Variants in ADGRB3 observed in about 807,000 individuals in gnomAD.
ADGRB3 encodes the protein adhesion G protein-coupled receptor B3, also known as brain-specific angiogenesis inhibitor 3.
ADGRB3 carries 37 observed loss-of-function variants against 193.4 expected under a neutral mutation model. That is an observed-to-expected ratio of 0.19 (90% CI 0.15 to 0.25). The LOEUF (loss-of-function observed/expected upper bound fraction) is 0.25. ADGRB3 is among the 10% of genes least tolerant of loss of function. The pLI is 1.00. For missense variants in ADGRB3, 1,637 were observed against 1,852.9 expected (o/e 0.88, Z 2.14); for synonymous variants, 690 against 644.2 (o/e 1.07, Z -1.08).
At chr6:69,364,015 A>G (rs952006329) in intron 29 of ADGRB3, among the ~76,000 whole-genome samples, 1 of 152,040 alleles carries the variant, frequency 6.6e-6, no homozygotes, top group African/African-American at 2.4e-5. Context: ...TGTGGATCAC[A>G]TGAGGCCTAA....
chr6:69,232,967 C>T (rs1194422518), intron 17 of ADGRB3: 3 of 429,580 alleles, frequency 7.0e-6, no homozygotes, highest in Non-Finnish European at 1.2e-5. Context: ...TGGCTGCCAA[C>T]GCTCTGGCGG....
At chr6:69,178,733 T>A (rs1034448257) in intron 17 of ADGRB3, among the ~76,000 whole-genome samples, 1 of 152,210 alleles carries the variant, frequency 6.6e-6, no homozygotes, top group Non-Finnish European at 1.5e-5. Context: ...GATATGAAAT[T>A]ATTAGTTGGA....
chr6:69,283,233 A>G (rs762088060), intron 20 of ADGRB3, among the ~76,000 whole-genome samples: 4 of 152,198 alleles, frequency 2.6e-5, no homozygotes, highest in African/African-American at 4.8e-5. Context: ...GTAACAGGGT[A>G]GTGACACAAT....
chr6:68,647,403 C>T (rs762110765), intron 3 of ADGRB3, among the ~76,000 whole-genome samples: 1 of 152,018 alleles, frequency 6.6e-6, no homozygotes, highest in Non-Finnish European at 1.5e-5. Flanking sequence ...CTCTTCAAAT[C>T]AGCACAGTTT....
intron 3 of ADGRB3, among the ~76,000 whole-genome samples, chr6:68,746,031 G>T (rs1230423838): frequency 6.6e-6 from 1 of 151,988 alleles, no homozygotes; most frequent in African/African-American, 2.4e-5. Flanking sequence ...TTTTCTCATG[G>T]ATGTATTTCT....
chr6:68,760,361 C>A (rs1365697210), intron 3 of ADGRB3, among the ~76,000 whole-genome samples: 1 of 152,164 alleles, frequency 6.6e-6, no homozygotes. Flanking sequence ...TTGGATAGAG[C>A]TTTTCCTATC....
chr6:69,162,829 G>A (rs773609675), intron 17 of ADGRB3, among the ~76,000 whole-genome samples: 8 of 152,052 alleles, frequency 5.3e-5, no homozygotes, highest in Non-Finnish European at 1.2e-4. Context: ...CTTTAATTAT[G>A]TTTCTCAAAA....
intron 3 of ADGRB3, among the ~76,000 whole-genome samples, chr6:68,888,356 G>A (rs1208503822): frequency 2.0e-5 from 3 of 152,146 alleles, no homozygotes; most frequent in East Asian, 1.9e-4. Flanking sequence ...CGTAATGGAC[G>A]GTTGAATTCA....
intron 17 of ADGRB3, among the ~76,000 whole-genome samples, chr6:69,230,634 A>T (rs927895650): frequency 5.3e-5 from 8 of 152,246 alleles, no homozygotes; most frequent in Middle Eastern, 3.2e-3. Context: ...CATGAGTTTT[A>T]TATGATTTAA....
At chr6:68,694,676 T>C (rs1311863788) in intron 3 of ADGRB3, among the ~76,000 whole-genome samples, 1 of 152,028 alleles carries the variant, frequency 6.6e-6, no homozygotes, top group Non-Finnish European at 1.5e-5. Context: ...TTTTTGATGG[T>C]CATTCTCTTG....
At chr6:68,912,698 T>G (rs1766752463) in intron 3 of ADGRB3, among the ~76,000 whole-genome samples, 1 of 152,158 alleles carries the variant, frequency 6.6e-6, no homozygotes, top group African/African-American at 2.4e-5. Context: ...GGACATGAAC[T>G]CATCATTTTT....
At chr6:68,806,527 T>G (rs141473216) in intron 3 of ADGRB3, among the ~76,000 whole-genome samples, 41 of 152,166 alleles carry the variant, frequency 2.7e-4, no homozygotes, top group African/African-American at 7.9e-4. Context: ...AAAGAAAAAG[T>G]ACTTATAATT....
chr6:68,991,095 A>C (rs112557403), intron 10 of ADGRB3, among the ~76,000 whole-genome samples: 122 of 152,110 alleles, frequency 8.0e-4, no homozygotes, highest in Non-Finnish European at 1.3e-3. Context: ...CAGAAGCAGC[A>C]CTACCTCTTT....
At chr6:68,929,705 C>G (rs960289248) in intron 3 of ADGRB3, among the ~76,000 whole-genome samples, 1 of 152,080 alleles carries the variant, frequency 6.6e-6, no homozygotes, top group Non-Finnish European at 1.5e-5. Context: ...TTTTCAGTCA[C>G]AGTTCAATAA....
chr6:69,312,665 C>G (rs981180847), intron 20 of ADGRB3, among the ~76,000 whole-genome samples: 1 of 151,648 alleles, frequency 6.6e-6, no homozygotes, highest in Non-Finnish European at 1.5e-5. Context: ...TGCACCCCAC[C>G]ATGGCAGCAT....
chr6:68,640,605 ACTCCAGTCGCCAAG>A (rs2127275115), intron 3 of ADGRB3, among the ~76,000 whole-genome samples: 1 of 152,214 alleles, frequency 6.6e-6, no homozygotes, highest in East Asian at 1.9e-4. Context: ...GGACAGCCAA[ACTCCAGTCGCCAAG>A]CTCCAGTCCC....
chr6:68,792,209 T>A (rs1767120338), intron 3 of ADGRB3, among the ~76,000 whole-genome samples: 1 of 152,210 alleles, frequency 6.6e-6, no homozygotes. Flanking sequence ...AATTCTGCAA[T>A]TCATAAAGAA....
chr6:69,274,445 T>TTTCCTTCCTTCCTTCC lies in ADGRB3; in HGVS notation c.2814+35237_2814+35252dup, dbSNP rs550005820. ...GTTGTCTCTCACATTGGTGGTTGCA[T>TTTCCTTCCTTCCTTCC]TTCCTTCCTTCCTTCCTTCCTTCCT... is the stretch of plus-strand genomic sequence containing the variant. On this transcript the variant is annotated intron_variant, in intron 20 of 31. Transcript: ENST00000370598. 1.6e-3 allele frequency among the ~76,000 whole-genome samples: 198 copies of TTTCCTTCCTTCCTTCC among 123,414 alleles called. 1 individual carries two copies. Among genetic ancestry groups the TTTCCTTCCTTCCTTCC allele is most frequent in the African/African-American group, 3.3e-3 (97 of 28,972 alleles). 81.0% of individuals were successfully genotyped at this position (123,414 alleles called of 152,430 possible). A position where few individuals can be genotyped will look rare whatever the true frequency, so the allele number is the denominator to read the frequency against.
At chr6:68,780,471 C>T (rs1417852946) in intron 3 of ADGRB3, among the ~76,000 whole-genome samples, 1 of 152,058 alleles carries the variant, frequency 6.6e-6, no homozygotes, top group African/African-American at 2.4e-5. Flanking sequence ...GATAGAGCAT[C>T]TCCCAAAGGA....
Sources: gnomAD v4.1 joint callset for allele counts (sites outside exome capture counted in the v4.1 genomes callset) on GRCh38, gnomAD v4.1.1 for gene constraint, MANE v1.5 for transcripts, NCBI Gene and HGNC (gene_info 2026-07-23, HGNC 2026-07-21) for gene names.